Variants in DYSF observed in about 807,000 individuals in gnomAD.
DYSF encodes the protein dystrophy-associated fer-1-like 1.
Under a neutral mutation model 274.9 loss-of-function variants are expected in DYSF, and 212 were observed. The observed-to-expected ratio is 0.77, with a 90% CI of 0.69 to 0.86. DYSF has a LOEUF of 0.86. DYSF is among the 40% of genes least tolerant of loss of function. DYSF has a pLI of 0.00. For missense variants in DYSF, 2,666 were observed against 2,783.2 expected (o/e 0.96, Z 0.95); for synonymous variants, 1,091 against 1,078.7 (o/e 1.01, Z -0.22).
rs1003256678 is a variant in DYSF at position 71,551,804 on chromosome 2, G to A, written c.1806+84G>A. The A allele has an allele frequency of 3.8e-5, 43 of 1,126,230 alleles. 1 individual carries two copies. In the South Asian group the frequency reaches 5.7e-4, roughly 15 times the overall value. 69.8% of individuals were successfully genotyped at this position (1,126,230 alleles called of 1,614,324 possible). A position where few individuals can be genotyped will look rare whatever the true frequency, so the allele number is the denominator to read the frequency against. ...CTGGGACTGGCCTTGAGGTGTCATG[G>A]CCGAGGGAGGAGGAAGCTCTGCCCA... On this transcript the variant is annotated intron_variant, in intron 19 of 55. Transcript: ENST00000410020.
At chr2:71,508,639 G>A (rs75687555) in intron 4 of DYSF, among the ~76,000 whole-genome samples, 14,368 of 152,136 alleles carry the variant, frequency 0.094, 713 homozygotes, top group African/African-American at 0.12. Context: ...CTGATGCTGC[G>A]TGGCTGTCTT....
chr2:71,570,171 T>C, intron 27 of DYSF, 58 bp from the exon 28 acceptor site: 2 of 1,497,516 alleles, frequency 1.3e-6, no homozygotes, highest in Non-Finnish European at 1.9e-6. Flanking sequence ...CTTTTCTGCC[T>C]CCCTGCTCAC....
chr2:71,550,524 C>T (rs1559135192), intron 17 of DYSF, among the ~76,000 whole-genome samples: 4 of 151,786 alleles, frequency 2.6e-5, no homozygotes, highest in Middle Eastern at 3.4e-3. Context: ...TCCCTGGCCT[C>T]CTGGGAGATG....
intron 29 of DYSF, among the ~76,000 whole-genome samples, chr2:71,573,904 C>T (rs536869161): frequency 1.1e-4 from 16 of 152,226 alleles, no homozygotes; most frequent in Admixed American, 9.2e-4. Context: ...CTCACTGCAA[C>T]CTCCACCTCC....
intron 3 of DYSF, among the ~76,000 whole-genome samples, chr2:71,492,425 C>T (rs774527641): frequency 2.0e-5 from 3 of 152,166 alleles, no homozygotes; most frequent in African/African-American, 4.8e-5. Flanking sequence ...GGCTCATTGA[C>T]GCTAACCAGG....
intron 16 of DYSF, among the ~76,000 whole-genome samples, chr2:71,537,806 C>A (rs1222493122): frequency 6.6e-6 from 1 of 152,120 alleles, no homozygotes; most frequent in Non-Finnish European, 1.5e-5. Context: ...GATGTGTCAT[C>A]TGAAGCTGCC....
chr2:71,495,283 T>C (rs2084267168), intron 3 of DYSF, among the ~76,000 whole-genome samples: 1 of 152,196 alleles, frequency 6.6e-6, no homozygotes, highest in Non-Finnish European at 1.5e-5. Flanking sequence ...CTTTTACAGA[T>C]GAGGAAACAG....
chr2:71,622,130 G>GTTTTTTTTGTTTTTTTTTTT (rs2094118827), intron 41 of DYSF, among the ~76,000 whole-genome samples: 4 of 97,002 alleles, frequency 4.1e-5, no homozygotes, highest in Non-Finnish European at 7.9e-5. Context: ...TGATTTCTTT[G>GTTTTTTTTGTTTTTTTTTTT]TTTTTTTTTT....
chr2:71,493,834 A>C (rs1431663208), intron 3 of DYSF, among the ~76,000 whole-genome samples: 1 of 118,422 alleles, frequency 8.4e-6, no homozygotes, highest in Non-Finnish European at 1.6e-5. Flanking sequence ...CCTGGGTGAT[A>C]GAGTGATACT....
At chr2:71,537,231 T>TTTTG (rs2089456451) in intron 16 of DYSF, among the ~76,000 whole-genome samples, 4 of 140,430 alleles carry the variant, frequency 2.8e-5, no homozygotes, top group South Asian at 2.2e-4. Flanking sequence ...TTGTTTTTTT[T>TTTTG]TTTTTTTTTT....
chr2:71,615,851 C>G lies in DYSF; in HGVS notation c.4464+2441C>G, dbSNP rs900817103. On this transcript the variant is annotated intron_variant, in intron 40 of 55. Transcript: ENST00000410020. The surrounding 1 kb of genome is among the most constrained non-coding windows in gnomAD (Gnocchi z 4.9). ...GGATTTTGGCTGGCTTCTGTCTGCC[C>G]CACCGGTGTTTCTCGGCAGCCTGTT... is the stretch of plus-strand genomic sequence containing the variant. Among the ~76,000 whole-genome samples, 1 of 152,172 alleles carries G rather than the reference C, an allele frequency of 6.6e-6. No individual in the cohort carries two copies. Among genetic ancestry groups the G allele is most frequent in the Non-Finnish European group, 1.5e-5 (1 of 68,024 alleles).
intron 53 of DYSF, among the ~76,000 whole-genome samples, chr2:71,680,692 C>T (rs2095285012): frequency 6.6e-6 from 1 of 152,138 alleles, no homozygotes; most frequent in Non-Finnish European, 1.5e-5. Context: ...TGAAAAAAGC[C>T]ATCTATGGAA....
intron 52 of DYSF, among the ~76,000 whole-genome samples, chr2:71,677,308 C>A (rs2095238036): frequency 6.6e-6 from 1 of 152,184 alleles, no homozygotes; most frequent in African/African-American, 2.4e-5. Flanking sequence ...AAAATTGAAA[C>A]ACCTTTGCAT....
chr2:71,539,530 T>C lies in DYSF; in HGVS notation c.1576+291T>C, dbSNP rs976613530. ...CCATGCCATCCATCAGGTCCTGCCT[T>C]GGCCGACTGTGCTCTAGCAGTTTCA... On this transcript the variant is annotated intron_variant, in intron 17 of 55. Coordinates refer to ENST00000410020, the MANE Select transcript of DYSF (RefSeq NM_001130987.2). Among the ~76,000 whole-genome samples, 14 of 152,350 alleles carry C rather than the reference T, an allele frequency of 9.2e-5. No individual in the cohort carries two copies. The South Asian group carries it at 2.7e-3, about 29-fold the overall frequency.
intron 49 of DYSF, 106 bp from the exon 50 acceptor site, chr2:71,669,006 C>A: frequency 1.6e-6 from 2 of 1,277,430 alleles, no homozygotes; most frequent in Non-Finnish European, 2.2e-6. Context: ...GCCAGGCAGG[C>A]ATCGAGTCCT....
chr2:71,484,644 C>G (rs1303957946), intron 3 of DYSF, among the ~76,000 whole-genome samples: 2 of 152,284 alleles, frequency 1.3e-5, no homozygotes, highest in East Asian at 3.9e-4. Flanking sequence ...TATCCATTGA[C>G]CACCTTGCTT....
At chr2:71,536,771 C>T (rs2089386548) in intron 16 of DYSF, among the ~76,000 whole-genome samples, 1 of 152,152 alleles carries the variant, frequency 6.6e-6, no homozygotes, top group African/African-American at 2.4e-5. Context: ...AACCCCAAGC[C>T]CCAAAACCCA....
chr2:71,660,499 T>A, intron 44 of DYSF, 61 bp from the exon 45 acceptor site: 2 of 1,433,344 alleles, frequency 1.4e-6, no homozygotes, highest in Non-Finnish European at 2.0e-6. Context: ...AAGGCACTCA[T>A]GAAGCCTCAA....
chr2:71,473,087 A>G (rs569596110), intron 1 of DYSF, among the ~76,000 whole-genome samples: 10 of 152,160 alleles, frequency 6.6e-5, no homozygotes, highest in Middle Eastern at 3.4e-3. Context: ...GGTGGGGTGG[A>G]GGGTGGTTGA....
Sources: gnomAD v4.1 joint callset for allele counts (sites outside exome capture counted in the v4.1 genomes callset) on GRCh38, gnomAD v4.1.1 for gene constraint, Gnocchi (gnomAD v3.1) non-coding constraint, MANE v1.5 for transcripts, NCBI Gene and HGNC (gene_info 2026-07-23, HGNC 2026-07-21) for gene names.